The following MMS22L variants were observed in gnomAD, a reference collection of about 807,000 sequenced individuals.
MMS22L encodes the protein MMS22 like, DNA repair protein.
Under a neutral mutation model 159.1 loss-of-function variants are expected in MMS22L, and 74 were observed. The ratio of observed to expected loss-of-function variants is 0.47; its 90% CI spans 0.39 to 0.56. The LOEUF (loss-of-function observed/expected upper bound fraction) is 0.56, where lower values mean the gene tolerates loss of function less well. MMS22L is among the 20% of genes least tolerant of loss of function. The pLI is 0.00. For synonymous variants in MMS22L, 517 were observed against 506.9 expected (o/e 1.02, Z -0.27); for missense variants, 1,351 against 1,422.1 (o/e 0.95, Z 0.80).
At chr6:97,164,337 A>G (rs1453026638) in intron 21 of MMS22L, among the ~76,000 whole-genome samples, 1 of 151,490 alleles carries the variant, frequency 6.6e-6, no homozygotes, top group African/African-American at 2.4e-5. Context: ...GAAAACTAAT[A>G]CTAGATAAGA....
intron 8 of MMS22L, chr6:97,265,035 GA>G (rs971818134): frequency 6.6e-6 from 1 of 152,020 alleles, no homozygotes. Flanking sequence ...TACAGAAATA[GA>G]AAAAACAATC....
chr6:97,280,811 T>C lies in MMS22L; in HGVS notation c.290+426A>G, dbSNP rs1816694657. ...GGGTATATGGATGTTCATTATATTA[T>C]TATTTTGTGTATGCTTAAAATTTTT... On this transcript the variant is annotated intron_variant, in intron 3 of 24. Coordinates refer to ENST00000683635, the MANE Select transcript of MMS22L (RefSeq NM_001350599.2). 4.6e-5 allele frequency among the ~76,000 whole-genome samples: 7 copies of C among 152,290 alleles called. No homozygotes were observed. The South Asian group carries it at 1.5e-3, about 32-fold the overall frequency.
intron 11 of MMS22L, among the ~76,000 whole-genome samples, chr6:97,240,368 T>G (rs1490397475): frequency 1.2e-4 from 18 of 152,332 alleles, no homozygotes; most frequent in Non-Finnish European, 4.4e-5. Flanking sequence ...AGCATGTTTC[T>G]TAGATTAGTC....
chr6:97,232,898 C>A (rs565065787), intron 12 of MMS22L, among the ~76,000 whole-genome samples: 14 of 152,208 alleles, frequency 9.2e-5, no homozygotes, highest in African/African-American at 3.4e-4. Context: ...TTTCTATATA[C>A]AAAGTATAAA....
At chr6:97,241,552 T>G (rs1037734771) in intron 11 of MMS22L, among the ~76,000 whole-genome samples, 1 of 152,172 alleles carries the variant, frequency 6.6e-6, no homozygotes, top group African/African-American at 2.4e-5. Context: ...TGATCATTAG[T>G]GATGTTGAGC....
At chr6:97,152,058 A>G (rs1265964196) in intron 22 of MMS22L, among the ~76,000 whole-genome samples, 191 bp from the exon 23 acceptor site, 2 of 152,198 alleles carry the variant, frequency 1.3e-5, no homozygotes, top group Non-Finnish European at 2.9e-5. Flanking sequence ...CCATTTTAAG[A>G]AAATATAAAA....
chr6:97,231,660 G>T lies in MMS22L; in HGVS notation c.1303-8C>A. On this transcript the variant is annotated splice_region_variant and splice_polypyrimidine_tract_variant and intron_variant, in intron 12 of 24. Coordinates refer to ENST00000683635, the MANE Select transcript of MMS22L (RefSeq NM_001350599.2). The stretch of plus-strand genomic sequence containing the variant: ...AATACTGAAGGAACTATTCTAAAAG[G>T]GGGGAAAAAAAAGATAGAAAACAAT... The T allele has an allele frequency of 6.7e-7, 1 of 1,501,670 alleles. No homozygotes were observed. The highest frequency in any genetic ancestry group is 9.0e-7 in the Non-Finnish European group (1 of 1,108,238). The allele number at this position is 1,501,670 out of a possible 1,614,324, so 93.0% of individuals were successfully genotyped here. A position where few individuals can be genotyped will look rare whatever the true frequency, so the allele number is the denominator to read the frequency against.
intron 9 of MMS22L, chr6:97,261,326 A>T (rs1259866052): frequency 6.6e-6 from 1 of 152,390 alleles, no homozygotes; most frequent in African/African-American, 2.4e-5. Flanking sequence ...GCGCTTATAC[A>T]TGGATTTTCT....
chr6:97,206,752 G>A (rs934700772), intron 14 of MMS22L, among the ~76,000 whole-genome samples: 1 of 152,162 alleles, frequency 6.6e-6, no homozygotes, highest in African/African-American at 2.4e-5. Flanking sequence ...ATGGCTAAAA[G>A]AGACACTAAA....
At chr6:97,150,981 A>G (rs1393740278) in intron 23 of MMS22L, among the ~76,000 whole-genome samples, 1 of 152,206 alleles carries the variant, frequency 6.6e-6, no homozygotes, top group Non-Finnish European at 1.5e-5. Context: ...CTACTTCTAT[A>G]AAGTCCATGC....
At position 97,149,836 on chromosome 6, in the gene MMS22L, TAA is replaced by T. The variant is rs763593672; in HGVS notation, c.3650+15_3650+16del. 6.4e-7 allele frequency: 1 copy of T among 1,565,436 alleles called. No homozygotes were observed. The highest frequency in any genetic ancestry group is 8.7e-7 in the Non-Finnish European group (1 of 1,155,592). ...TAATCACTGCCCCCCCCAATGTAAT[TAA>T]ATTATCAAACATACCTTTGTGCTAT... On this transcript the variant is annotated intron_variant, in intron 24 of 24. Transcript: ENST00000683635.
chr6:97,174,274 A>AAT (rs1554258944), intron 18 of MMS22L, among the ~76,000 whole-genome samples: 4 of 150,524 alleles, frequency 2.7e-5, no homozygotes, highest in African/African-American at 1.0e-4. Flanking sequence ...AAAAAAAAAA[A>AAT]AATAAAAAGA....
chr6:97,254,370 TAATTAAACAATTAA>T (rs1813555340), intron 10 of MMS22L, 173 bp downstream of exon 10: 2 of 560,814 alleles, frequency 3.6e-6, no homozygotes, highest in Non-Finnish European at 6.0e-6. Flanking sequence ...TAATTTTTTT[TAATTAAACAATTAA>T]AACATAAACT....
At chr6:97,222,619 T>A (rs1264015381) in intron 14 of MMS22L, among the ~76,000 whole-genome samples, 4 of 152,068 alleles carry the variant, frequency 2.6e-5, no homozygotes, top group Non-Finnish European at 5.9e-5. Flanking sequence ...AAATTTATTG[T>A]TTCTTTTTAA....
intron 9 of MMS22L, among the ~76,000 whole-genome samples, chr6:97,255,375 TTGAG>T (rs1813688179): frequency 6.6e-6 from 1 of 152,140 alleles, no homozygotes; most frequent in African/African-American, 2.4e-5. Flanking sequence ...ATTTCTAGTA[TTGAG>T]TATTTTTGTA....
In MMS22L at chr6:97,144,794, T is replaced by TA. The variant is rs1180348002; in HGVS notation, c.*2011dup. 3 of 152,004 alleles carry TA rather than the reference T, an allele frequency of 2.0e-5. No individual in the cohort carries two copies. The highest frequency in any genetic ancestry group is 7.2e-5 in the African/African-American group (3 of 41,384). The allele number at this position is 152,004 out of a possible 1,614,324, so 9.4% of individuals were successfully genotyped here. A position where few individuals can be genotyped will look rare whatever the true frequency, so the allele number is the denominator to read the frequency against. ...CTTTTTTCAATTTAAAAAAAAGCTT[T>TA]AAAAAAAGTTACTTATACATAAATA... On this transcript the variant is annotated 3_prime_UTR_variant, in exon 25 of 25. Transcript: ENST00000683635.
Position 97,145,021 on chromosome 6 carries a change from A to ACCCCCCCCCCCCC in MMS22L, c.*1784_*1785insGGGGGGGGGGGGG. On this transcript the variant is annotated 3_prime_UTR_variant, in exon 25 of 25. Coordinates refer to ENST00000683635, the MANE Select transcript of MMS22L (RefSeq NM_001350599.2). ...TTATCAATCTCCTTTGGAAAAAAAA[A>ACCCCCCCCCCCCC]ACCCACACACACACACACACACACA... is the stretch of plus-strand genomic sequence containing the variant. 2 of 90,746 alleles carry ACCCCCCCCCCCCC rather than the reference A, an allele frequency of 2.2e-5. No individual in the cohort carries two copies. Among genetic ancestry groups the ACCCCCCCCCCCCC allele is most frequent in the African/African-American group, 9.2e-5 (2 of 21,838 alleles). 5.6% of individuals were successfully genotyped at this position (90,746 alleles called of 1,614,324 possible). A position where few individuals can be genotyped will look rare whatever the true frequency, so the allele number is the denominator to read the frequency against.
Position 97,146,902 on chromosome 6 carries a change from A to C in MMS22L, c.3651-15T>G. 2.0e-6 allele frequency: 3 copies of C among 1,484,942 alleles called. No homozygotes were observed. The highest frequency in any genetic ancestry group is 2.7e-6 in the Non-Finnish European group (3 of 1,100,250). The allele number at this position is 1,484,942 out of a possible 1,614,324, so 92.0% of individuals were successfully genotyped here. ...TATAGGCTTCCCTGTTTAAGAAAAAAGAAAAGAAAGCAAATATATTAACAT... is the reference window on the plus strand; with the variant it reads ...TATAGGCTTCCCTGTTTAAGAAAAACGAAAAGAAAGCAAATATATTAACAT... On this transcript the variant is annotated splice_polypyrimidine_tract_variant and intron_variant, in intron 24 of 24. Transcript: ENST00000683635.
chr6:97,282,402 G>A lies in MMS22L; in HGVS notation c.76C>T (p.Pro26Ser). 1 of 1,614,074 alleles carries A rather than the reference G, an allele frequency of 6.2e-7. No individual in the cohort carries two copies. The highest frequency in any genetic ancestry group is 2.2e-5 in the East Asian group (1 of 44,882). ...TCAACAGCACAAGAAAAGTAAGGAG[G>A]TTTGCACCATTCCGTCCCCAGCTCC... ...ELELGTEWCK[P>S]PYFSCAVDNR... Residue 26 changes from proline to serine, a missense_variant, in exon 2 of 25, where the codon CCT becomes TCT. Physicochemically the swap from Pro to Ser is moderately conservative, Grantham distance 74 (BLOSUM62 -1). Coordinates refer to ENST00000683635, the MANE Select transcript of MMS22L (RefSeq NM_001350599.2).
Sources: gnomAD v4.1 joint callset for allele counts (sites outside exome capture counted in the v4.1 genomes callset) on GRCh38, gnomAD v4.1.1 for gene constraint, MANE v1.5 for transcripts, NCBI Gene and HGNC (gene_info 2026-07-23, HGNC 2026-07-21) for gene names.